The following ACOT9 variants were observed in gnomAD, a reference collection of about 807,000 sequenced individuals.
ACOT9 encodes acyl-coenzyme A thioesterase 9, mitochondrial.
In ACOT9, 34 loss-of-function variants were observed where a neutral mutation model predicts 39.7. That is an observed-to-expected ratio of 0.86 (90% confidence interval 0.65 to 1.14). The LOEUF is 1.14. Among genes scored for constraint, ACOT9 ranks in the 50% most tolerant of loss-of-function variants. ACOT9 has a pLI of 0.00. For missense variants in ACOT9, 313 were observed against 344.1 expected, an observed-to-expected ratio of 0.91 and a Z score of 0.71; for synonymous variants, 110 against 120.5, an observed-to-expected ratio of 0.91 and a Z score of 0.57.
chrX:23,705,186 A>C, intron 13 of ACOT9, 106 bp from the exon 14 acceptor site: 1 of 723,327 alleles, frequency 1.4e-6, no homozygotes, highest in Non-Finnish European at 2.1e-6. Context: ...ACGAAGAATA[A>C]AGTTAGAGAA....
intron 9 of ACOT9, among the ~76,000 whole-genome samples, chrX:23,708,920 G>A (rs570264206): frequency 8.9e-6 from 1 of 112,239 alleles, no homozygotes; most frequent in Non-Finnish European, 1.9e-5. Context: ...TATTTGTAGA[G>A]AGAGGGTAAG....
At position 23,701,720 on chromosome X, in the gene ACOT9, A is replaced by C. The variant is rs992597407; in HGVS notation, c.*2174T>G. 1.8e-5 allele frequency among the ~76,000 whole-genome samples: 2 copies of C among 111,180 alleles called. No individual in the cohort carries two copies. The highest frequency in any genetic ancestry group is 3.3e-5 in the African/African-American group (1 of 30,727). ...CGATCCTCCCATCTCAGTCTCCCAA[A>C]GTGCTGGGATTACAGGCATGAGCCA... On this transcript the variant is annotated 3_prime_UTR_variant, in exon 16 of 16. Transcript: ENST00000379303.
At chrX:23,730,091 C>CTTT (rs1569196823) in intron 6 of ACOT9, among the ~76,000 whole-genome samples, 12 of 52,682 alleles carry the variant, frequency 2.3e-4, no homozygotes, top group Non-Finnish European at 3.5e-4. Context: ...TAGTAGATGC[C>CTTT]ATTTTTTTTT....
At chrX:23,740,717 T>TACAC (rs67075682) in intron 1 of ACOT9, among the ~76,000 whole-genome samples, 11,002 of 91,651 alleles carry the variant, frequency 0.12, 870 homozygotes, top group Non-Finnish European at 0.18. Context: ...CCCCAATACA[T>TACAC]ACACACACAC....
At chrX:23,733,109 C>T in intron 4 of ACOT9, 63 bp downstream of exon 4, 2 of 1,060,426 alleles carry the variant, frequency 1.9e-6, no homozygotes, top group Non-Finnish European at 1.3e-6. Context: ...TCAACTGAGC[C>T]TAAATACAGT....
intron 7 of ACOT9, 127 bp from the exon 8 acceptor site, chrX:23,722,111 T>C (rs1276055101): frequency 5.0e-6 from 2 of 402,020 alleles, no homozygotes; most frequent in East Asian, 8.6e-5. Flanking sequence ...AAAATAACTT[T>C]TTTGACACGC....
intron 6 of ACOT9, among the ~76,000 whole-genome samples, chrX:23,728,959 T>C (rs759445659): frequency 9.9e-5 from 11 of 111,171 alleles, no homozygotes; most frequent in African/African-American, 2.9e-4. Context: ...GAACATCAAA[T>C]AGATGATAGT....
At chrX:23,723,302 T>C (rs1199637478) in intron 6 of ACOT9, among the ~76,000 whole-genome samples, 1 of 111,738 alleles carries the variant, frequency 8.9e-6, no homozygotes, top group Non-Finnish European at 1.9e-5. Flanking sequence ...CTTACAGATA[T>C]CAACTCATTT....
intron 4 of ACOT9, among the ~76,000 whole-genome samples, chrX:23,731,579 A>G (rs1929756777): frequency 9.0e-6 from 1 of 110,685 alleles, no homozygotes; most frequent in African/African-American, 3.3e-5. Context: ...GAATATTTGA[A>G]ATTAAATTAA....
chrX:23,717,554 AT>A (rs1929126913), intron 8 of ACOT9, among the ~76,000 whole-genome samples: 1 of 111,416 alleles, frequency 9.0e-6, no homozygotes, highest in Non-Finnish European at 1.9e-5. Context: ...GCTGTGGGTG[AT>A]GAATTTGCAA....
intron 1 of ACOT9, among the ~76,000 whole-genome samples, chrX:23,741,738 G>A (rs766013291): frequency 9.0e-6 from 1 of 111,486 alleles, no homozygotes. Context: ...GCAGGGGCGC[G>A]ATCTCAGCTC....
Position 23,703,817 on chromosome X carries a change from C to T in ACOT9, c.*77G>A. ...GGAGGACACGAAGCAATACTAAAATCAATACACTCGATCAGGTCTTCATCA... is the reference window on the plus strand; with the variant it reads ...GGAGGACACGAAGCAATACTAAAATTAATACACTCGATCAGGTCTTCATCA... On this transcript the variant is annotated 3_prime_UTR_variant, in exon 16 of 16. Coordinates refer to ENST00000379303, the MANE Select transcript of ACOT9 (RefSeq NM_001037171.2). 2.3e-6 allele frequency: 2 copies of T among 853,768 alleles called. No individual in the cohort carries two copies. The highest frequency in any genetic ancestry group is 3.4e-6 in the Non-Finnish European group (2 of 579,784). The allele number at this position is 853,768 out of a possible 1,213,427, so 70.4% of individuals were successfully genotyped here. A position where few individuals can be genotyped will look rare whatever the true frequency, so the allele number is the denominator to read the frequency against.
chrX:23,705,381 T>C (rs757579828), intron 13 of ACOT9, 128 bp downstream of exon 13: 1 of 546,747 alleles, frequency 1.8e-6, no homozygotes, highest in Non-Finnish European at 3.1e-6. Context: ...TCAGCTGGTA[T>C]CAGTGTGGTA....
In ACOT9 at chrX:23,704,292, T is replaced by C. The variant is rs1041190058; in HGVS notation, c.1259-310A>G. On this transcript the variant is annotated intron_variant, in intron 15 of 15. Transcript: ENST00000379303. The stretch of plus-strand genomic sequence containing the variant: ...TTCACGCCATTCTCCTGCCTCAGCC[T>C]CCCGAGTAGCTGGGACTACAGGTGC... 2.9e-5 allele frequency among the ~76,000 whole-genome samples: 3 copies of C among 103,301 alleles called. No homozygotes were observed. In the Admixed American group the frequency reaches 3.2e-4, roughly 11 times the overall value. 89.7% of individuals were successfully genotyped at this position (103,301 alleles called of 115,157 possible).
chrX:23,731,944 C>T (rs1929769953), intron 4 of ACOT9, among the ~76,000 whole-genome samples: 1 of 112,141 alleles, frequency 8.9e-6, no homozygotes, highest in South Asian at 3.6e-4. Context: ...AGATGTCTTT[C>T]TAAGCTTAAC....
chrX:23,704,114 C>A, intron 15 of ACOT9, 132 bp from the exon 16 acceptor site: 2 of 459,860 alleles, frequency 4.3e-6, no homozygotes, highest in Non-Finnish European at 7.5e-6. Context: ...GGGTGTGCCA[C>A]ATTCCCAAAG....
At chrX:23,722,619 T>A in intron 7 of ACOT9, 51 bp downstream of exon 7, 1 of 901,060 alleles carries the variant, frequency 1.1e-6, no homozygotes, top group Non-Finnish European at 1.6e-6. Context: ...CTCAATAATA[T>A]CTTGAAATTA....
intron 8 of ACOT9, among the ~76,000 whole-genome samples, chrX:23,713,736 A>T (rs1479293586): frequency 9.1e-6 from 1 of 109,934 alleles, no homozygotes; most frequent in South Asian, 3.9e-4. Flanking sequence ...AAAATACCTC[A>T]AAGTCCAATC....
At chrX:23,705,745 G>A (rs1047635048) in intron 12 of ACOT9, 23 bp downstream of exon 12, 1 of 1,180,877 alleles carries the variant, frequency 8.5e-7, no homozygotes, top group Non-Finnish European at 1.2e-6. Flanking sequence ...ATCCTATTCG[G>A]ATTTCTCACT....
Sources: allele counts gnomAD v4.1 joint callset (sites outside exome capture counted in the v4.1 genomes callset), GRCh38; gene constraint gnomAD v4.1.1; transcripts MANE v1.5; gene names NCBI Gene and HGNC (gene_info 2026-07-23, HGNC 2026-07-21).